The following MTUS2 variants were observed in gnomAD, a reference collection of about 807,000 sequenced individuals.
The protein encoded by MTUS2 is microtubule associated scaffold protein 2, also known as microtubule-associated tumor suppressor candidate 2.
MTUS2 carries 40 observed loss-of-function variants against 114.1 expected under a neutral mutation model. The ratio of observed to expected loss-of-function variants is 0.35; its 90% CI spans 0.27 to 0.46. The LOEUF is 0.46. Among genes scored for constraint, MTUS2 ranks in the 20% least tolerant of loss-of-function variants. The probability of loss-of-function intolerance (pLI) is 1.00; values close to 1 mark genes in which losing one functional copy is unlikely to be tolerated. For missense variants in MTUS2, 1,679 were observed against 1,705.4 expected, an observed-to-expected ratio of 0.98 and a Z score of 0.27; for synonymous variants, 688 against 672.0, an observed-to-expected ratio of 1.02 and a Z score of -0.37.
chr13:29,125,492 A>T (rs1008706114), intron 5 of MTUS2, among the ~76,000 whole-genome samples: 1 of 152,236 alleles, frequency 6.6e-6, no homozygotes, highest in Non-Finnish European at 1.5e-5. Context: ...TTGAATCTAA[A>T]TGTTTTCATT....
At chr13:29,005,677 A>G (rs1885572263) in intron 2 of MTUS2, among the ~76,000 whole-genome samples, 1 of 152,254 alleles carries the variant, frequency 6.6e-6, no homozygotes, top group Admixed American at 6.5e-5. Context: ...TGACTTTAGC[A>G]CATGTGAACC....
Position 28,911,739 on chromosome 13 carries a change from A to G in MTUS2, c.-243+71889A>G, listed in dbSNP as rs564502269. 8.3e-4 allele frequency among the ~76,000 whole-genome samples: 123 copies of G among 149,080 alleles called. 1 individual carries two copies. The highest frequency in any genetic ancestry group is 6.9e-3 in the Middle Eastern group (2 of 290). On this transcript the variant is annotated intron_variant, in intron 2 of 15. Transcript: ENST00000612955. ...GTATCTCATTGTGGTTTTGATTTGT[A>G]TTTCGTGATGATCGGTGATGTTGAG... is the stretch of plus-strand genomic sequence containing the variant.
intron 6 of MTUS2, among the ~76,000 whole-genome samples, chr13:29,297,095 CTTTAA>C (rs1485399042): frequency 6.6e-6 from 1 of 151,972 alleles, no homozygotes; most frequent in Non-Finnish European, 1.5e-5. Flanking sequence ...ACATTAAAGT[CTTTAA>C]TTTATTTTGA....
intron 2 of MTUS2, among the ~76,000 whole-genome samples, chr13:29,007,913 C>T (rs1361151221): frequency 6.6e-6 from 1 of 152,154 alleles, no homozygotes; most frequent in Non-Finnish European, 1.5e-5. Flanking sequence ...TTCAACAGCA[C>T]AGGGTTGGTG....
chr13:28,927,800 A>G (rs1267332567), intron 2 of MTUS2, among the ~76,000 whole-genome samples: 1 of 152,234 alleles, frequency 6.6e-6, no homozygotes, highest in Non-Finnish European at 1.5e-5. Context: ...AAAGACTCTC[A>G]ATAGCCAAAG....
At chr13:29,485,235 C>T (rs1881513652) in intron 10 of MTUS2, 1 of 152,636 alleles carries the variant, frequency 6.6e-6, no homozygotes, top group African/African-American at 2.4e-5. Context: ...AAATCTCCTC[C>T]AATTCCTTCT....
chr13:29,474,898 C>T (rs1214090228), intron 9 of MTUS2, among the ~76,000 whole-genome samples: 3 of 152,160 alleles, frequency 2.0e-5, no homozygotes, highest in Non-Finnish European at 4.4e-5. Context: ...TTTTATTCCA[C>T]CTACACAAGC....
At chr13:29,110,466 A>C (rs1379641375) in intron 5 of MTUS2, among the ~76,000 whole-genome samples, 1 of 152,214 alleles carries the variant, frequency 6.6e-6, no homozygotes, top group Admixed American at 6.5e-5. Flanking sequence ...GAAATGCGGA[A>C]GTCAAACAAA....
At chr13:29,211,552 C>G (rs535644978) in intron 5 of MTUS2, among the ~76,000 whole-genome samples, 2 of 152,062 alleles carry the variant, frequency 1.3e-5, no homozygotes, top group African/African-American at 4.8e-5. Context: ...TCCTCTGGCA[C>G]CCCTCCCCAA....
At chr13:28,956,690 G>A (rs1593331823) in intron 2 of MTUS2, among the ~76,000 whole-genome samples, 1 of 152,320 alleles carries the variant, frequency 6.6e-6, no homozygotes, top group South Asian at 2.1e-4. Flanking sequence ...GGATTAAAGG[G>A]AGATAGAGGG....
intron 6 of MTUS2, among the ~76,000 whole-genome samples, chr13:29,299,962 A>AG (rs559242213): frequency 7.3e-4 from 110 of 151,084 alleles, no homozygotes; most frequent in South Asian, 7.2e-3. Context: ...TGAATTTTGG[A>AG]GGGGGGGGCA....
chr13:29,299,319 A>T (rs561578799), intron 6 of MTUS2, among the ~76,000 whole-genome samples: 2 of 152,198 alleles, frequency 1.3e-5, no homozygotes, highest in Non-Finnish European at 2.9e-5. Flanking sequence ...ACTCTCAGAC[A>T]TCCCGGGACT....
At chr13:28,990,898 C>T (rs975182597) in intron 2 of MTUS2, among the ~76,000 whole-genome samples, 1 of 151,792 alleles carries the variant, frequency 6.6e-6, no homozygotes, top group South Asian at 2.1e-4. Context: ...AGCGAGACCA[C>T]GAACCCACTG....
intron 5 of MTUS2, among the ~76,000 whole-genome samples, chr13:29,152,409 A>G (rs981087392): frequency 6.6e-6 from 1 of 152,318 alleles, no homozygotes; most frequent in Non-Finnish European, 1.5e-5. Context: ...AAGTTATCCC[A>G]AAACTTAGAG....
intron 10 of MTUS2, among the ~76,000 whole-genome samples, chr13:29,485,773 T>G (rs1881566968): frequency 1.3e-5 from 2 of 152,206 alleles, no homozygotes; most frequent in Non-Finnish European, 2.9e-5. Flanking sequence ...CTCATGGGAC[T>G]CTTCTGAAAC....
chr13:29,178,549 C>T (rs1309860860), intron 5 of MTUS2, among the ~76,000 whole-genome samples: 2 of 152,078 alleles, frequency 1.3e-5, no homozygotes, highest in South Asian at 2.1e-4. Flanking sequence ...TTAGCAACAT[C>T]CCTGGCCAAC....
chr13:29,459,322 G>T (rs1021624899), intron 9 of MTUS2, among the ~76,000 whole-genome samples: 10 of 152,182 alleles, frequency 6.6e-5, no homozygotes, highest in African/African-American at 2.4e-4. Context: ...TGATCAGGGA[G>T]TCATCATCAG....
chr13:29,097,747 G>A (rs940904295), intron 4 of MTUS2, among the ~76,000 whole-genome samples: 1 of 151,926 alleles, frequency 6.6e-6, no homozygotes, highest in African/African-American at 2.4e-5. Flanking sequence ...TTTCATATGG[G>A]CACTTAGGCA....
At chr13:28,916,826 G>A (rs546443140) in intron 2 of MTUS2, among the ~76,000 whole-genome samples, 45 of 151,790 alleles carry the variant, frequency 3.0e-4, no homozygotes, top group African/African-American at 1.1e-3. Context: ...TGGTGAAAGT[G>A]GGTATCCTTG....
Sources: allele counts gnomAD v4.1 joint callset (sites outside exome capture counted in the v4.1 genomes callset), GRCh38; gene constraint gnomAD v4.1.1; transcripts MANE v1.5; gene names NCBI Gene and HGNC (gene_info 2026-07-23, HGNC 2026-07-21).